SNX10: variants seen among roughly 807,000 people sequenced by gnomAD.
The protein encoded by SNX10 is sorting nexin 10, also known as sorting nexin-10.
SNX10 carries 25 observed loss-of-function variants against 28.5 expected under a neutral mutation model. The observed-to-expected ratio is 0.88, with a 90% CI of 0.64 to 1.22. The LOEUF (loss-of-function observed/expected upper bound fraction) is 1.22. Ranked by LOEUF, SNX10 falls within the 50% of genes most tolerant of loss-of-function variation. SNX10 has a pLI of 0.00. For synonymous variants in SNX10, 62 were observed against 81.4 expected (o/e 0.76, Z 1.28); for missense variants, 223 against 242.6 (o/e 0.92, Z 0.54).
intron 1 of SNX10, among the ~76,000 whole-genome samples, chr7:26,333,125 G>A (rs1315606521): frequency 6.6e-6 from 1 of 152,112 alleles, no homozygotes; most frequent in African/African-American, 2.4e-5. Context: ...CTGGGATTCT[G>A]ATAGTGATCG....
Position 26,372,863 on chromosome 7 carries a change from C to A in SNX10, c.*291C>A. ...AAATGACTTACATGTTTTAAAAAACCGAGTTGGTTTTATTGAATTTAAAAA... is the reference window on the plus strand; with the variant it reads ...AAATGACTTACATGTTTTAAAAAACAGAGTTGGTTTTATTGAATTTAAAAA... On this transcript the variant is annotated 3_prime_UTR_variant, in exon 7 of 7. Transcript: ENST00000338523. 1 of 277,436 alleles carries A rather than the reference C, an allele frequency of 3.6e-6. No homozygotes were observed. The highest frequency in any genetic ancestry group is 6.8e-6 in the Non-Finnish European group (1 of 146,754). 17.2% of individuals were successfully genotyped at this position (277,436 alleles called of 1,614,324 possible). A position where few individuals can be genotyped will look rare whatever the true frequency, so the allele number is the denominator to read the frequency against.
chr7:26,300,881 T>C (rs1786308198), intron 1 of SNX10, among the ~76,000 whole-genome samples: 1 of 151,830 alleles, frequency 6.6e-6, no homozygotes, highest in African/African-American at 2.4e-5. Flanking sequence ...TAGCCAGGTG[T>C]GGTGGCGAGC....
intron 2 of SNX10, among the ~76,000 whole-genome samples, chr7:26,350,288 G>A (rs531807240): frequency 2.5e-3 from 386 of 152,260 alleles, no homozygotes; most frequent in Non-Finnish European, 4.5e-3. Flanking sequence ...AGGACAGGCC[G>A]AAGTGGGCCC....
rs957213469 is a variant in SNX10, at chr7:26,356,941, A to G, written c.25-4034A>G. The G allele has an allele frequency of 7.0e-5, 25 of 355,936 alleles. No homozygotes were observed. The South Asian group carries it at 8.3e-4, about 12-fold the overall frequency. 22.0% of individuals were successfully genotyped at this position (355,936 alleles called of 1,614,324 possible). ...TCATGGAGCCCAAGAACCCAAGTAG[A>G]TGAGGTTTTAATTTCAAGTGAAGTT... On this transcript the variant is annotated intron_variant, in intron 2 of 6. Transcript: ENST00000338523.
At chr7:26,305,108 T>G (rs1304582320) in intron 1 of SNX10, among the ~76,000 whole-genome samples, 1 of 152,152 alleles carries the variant, frequency 6.6e-6, no homozygotes, top group Non-Finnish European at 1.5e-5. Context: ...CCATGTGTTT[T>G]GTTAGTTGAG....
At chr7:26,363,968 C>T (rs1789188137) in intron 3 of SNX10, among the ~76,000 whole-genome samples, 1 of 152,196 alleles carries the variant, frequency 6.6e-6, no homozygotes, top group Admixed American at 6.5e-5. Context: ...TCCCCACGTA[C>T]CACGGTCATT....
At chr7:26,338,135 G>A (rs62448373) in intron 1 of SNX10, among the ~76,000 whole-genome samples, 1 of 109,976 alleles carries the variant, frequency 9.1e-6, no homozygotes, top group African/African-American at 3.4e-5. Context: ...TTTTTTCTGT[G>A]AGACAGAGTC....
chr7:26,341,294 C>T (rs889567121), intron 1 of SNX10, among the ~76,000 whole-genome samples: 8 of 152,114 alleles, frequency 5.3e-5, no homozygotes, highest in Middle Eastern at 3.4e-3. Flanking sequence ...GAGACCCTGT[C>T]TCTAAAATGA....
At chr7:26,318,728 C>T (rs1354877596) in intron 1 of SNX10, among the ~76,000 whole-genome samples, 1 of 152,210 alleles carries the variant, frequency 6.6e-6, no homozygotes, top group African/African-American at 2.4e-5. Context: ...GCCTTGGCCT[C>T]CCAAATTGCT....
intron 1 of SNX10, among the ~76,000 whole-genome samples, chr7:26,329,964 G>A (rs1010664128): frequency 6.6e-6 from 1 of 152,158 alleles, no homozygotes; most frequent in Admixed American, 6.5e-5. Context: ...GAGATGGGAA[G>A]GGTGGGTCAG....
rs548274573 is a variant in SNX10 at position 26,356,469 on chromosome 7, C to T, written c.25-4506C>T. Among the ~76,000 whole-genome samples, 5 of 152,208 alleles carry T rather than the reference C, an allele frequency of 3.3e-5. No individual in the cohort carries two copies. The South Asian group carries it at 6.2e-4, about 19-fold the overall frequency. ...TCCTTTGAAGGATGGCGGGCAGTGTCGTGAGGGATGCGTCTAATTAAGAGA... is the reference window on the plus strand; with the variant it reads ...TCCTTTGAAGGATGGCGGGCAGTGTTGTGAGGGATGCGTCTAATTAAGAGA... On this transcript the variant is annotated intron_variant, in intron 2 of 6. Coordinates refer to ENST00000338523, the MANE Select transcript of SNX10 (RefSeq NM_013322.3).
intron 1 of SNX10, among the ~76,000 whole-genome samples, chr7:26,325,775 TG>T (rs1787481459): frequency 6.6e-6 from 1 of 151,268 alleles, no homozygotes; most frequent in African/African-American, 2.4e-5. Context: ...TTGCCCAGGC[TG>T]GAGTGCAGTG....
At chr7:26,368,283 A>C (rs1337757319) in intron 5 of SNX10, among the ~76,000 whole-genome samples, 1 of 152,222 alleles carries the variant, frequency 6.6e-6, no homozygotes, top group Admixed American at 6.5e-5. Context: ...CAGTACTCTT[A>C]AATGCTGGCT....
chr7:26,347,518 C>T (rs866328177), intron 2 of SNX10, among the ~76,000 whole-genome samples: 34 of 152,204 alleles, frequency 2.2e-4, no homozygotes, highest in African/African-American at 7.5e-4. Context: ...TCAGCCCCGG[C>T]GACAGAGCAA....
intron 1 of SNX10, among the ~76,000 whole-genome samples, chr7:26,344,337 G>A (rs574807032): frequency 1.3e-5 from 2 of 152,096 alleles, no homozygotes; most frequent in South Asian, 4.2e-4. Flanking sequence ...TCCCGGATAA[G>A]TTTTTGTTTT....
intron 1 of SNX10, among the ~76,000 whole-genome samples, chr7:26,320,657 C>T (rs1787277280): frequency 6.6e-6 from 1 of 152,144 alleles, no homozygotes; most frequent in Admixed American, 6.5e-5. Flanking sequence ...TGGTCTTGAA[C>T]TCCTGACCTT....
chr7:26,335,523 C>G (rs1362123758), intron 1 of SNX10, among the ~76,000 whole-genome samples: 1 of 152,016 alleles, frequency 6.6e-6, no homozygotes, highest in Non-Finnish European at 1.5e-5. Context: ...CCTACTGTGT[C>G]TGGGGAGGGT....
At chr7:26,372,087 G>T in intron 6 of SNX10, 54 bp downstream of exon 6, 3 of 1,121,222 alleles carry the variant, frequency 2.7e-6, no homozygotes, top group Non-Finnish European at 3.9e-6. Flanking sequence ...TACATAGTAT[G>T]CACATATGCA....
chr7:26,340,256 C>G (rs575756349), intron 1 of SNX10, among the ~76,000 whole-genome samples: 7 of 152,254 alleles, frequency 4.6e-5, no homozygotes, highest in African/African-American at 1.7e-4. Context: ...ATGGCTTGCT[C>G]TGTAGTAGGG....
Sources: gnomAD v4.1 joint callset for allele counts (sites outside exome capture counted in the v4.1 genomes callset) on GRCh38, gnomAD v4.1.1 for gene constraint, MANE v1.5 for transcripts, NCBI Gene and HGNC (gene_info 2026-07-23, HGNC 2026-07-21) for gene names.